The following KIF15 variants were observed in gnomAD, a reference collection of about 807,000 sequenced individuals.
KIF15 encodes the protein kinesin family member 15, also known as kinesin-like protein KIF15.
Under a neutral mutation model 190.6 loss-of-function variants are expected in KIF15, and 140 were observed. That is an observed-to-expected ratio of 0.73 (90% CI 0.64 to 0.84). The LOEUF (loss-of-function observed/expected upper bound fraction) is 0.84, where lower values mean the gene tolerates loss of function less well. Among genes scored for constraint, KIF15 ranks in the 40% least tolerant of loss-of-function variants. The pLI is 0.00. For missense variants in KIF15, 1,372 were observed against 1,584.4 expected (o/e 0.87, Z 2.28); for synonymous variants, 528 against 551.3 (o/e 0.96, Z 0.59).
intron 6 of KIF15, chr3:44,862,310 G>A: frequency 1.0e-5 from 2 of 196,396 alleles, no homozygotes; most frequent in Non-Finnish European, 1.9e-5. Context: ...AGCTGGGGTG[G>A]CAGAGAGTGT....
chr3:44,865,344 G>A, intron 6 of KIF15: 1 of 870,976 alleles, frequency 1.1e-6, no homozygotes. Context: ...GTAAGGAGAG[G>A]TGCAGCTGCA....
At chr3:44,867,909 G>A (rs56115260) in intron 6 of KIF15, among the ~76,000 whole-genome samples, 187 of 152,220 alleles carry the variant, frequency 1.2e-3, no homozygotes, top group African/African-American at 4.2e-3. Context: ...TGTTTGCTTG[G>A]AGCTGGCAAT....
chr3:44,812,280 A>C lies in KIF15; in HGVS notation c.2268A>C (p.Gln756His), dbSNP rs1338712415. ...HVDKLEHHST[Q>H]MQELFSSERI... The stretch of plus-strand genomic sequence containing the variant: ...ACAAACTGGAACATCATTCTACCCA[A>C]ATGCAGGAGGTGAGACCAAGAGCAC... The change falls in exon 18 of 35, where the codon CAA becomes CAC. Residue 756 changes from glutamine (Q) to histidine (H), a missense_variant. Transcript: ENST00000326047. 1 of 1,612,866 alleles carries C rather than the reference A, an allele frequency of 6.2e-7. No individual in the cohort carries two copies. Among genetic ancestry groups the C allele is most frequent in the East Asian group, 2.2e-5 (1 of 44,866 alleles).
At chr3:44,829,535 G>GTATATATTATATATGTA (rs1553658631) in intron 24 of KIF15, among the ~76,000 whole-genome samples, 5 of 114,352 alleles carry the variant, frequency 4.4e-5, no homozygotes, top group Admixed American at 1.1e-4. Flanking sequence ...TATATAATAT[G>GTATATATTATATATGTA]TATATATTAT....
chr3:44,788,417 CTG>C (rs1263788284), intron 7 of KIF15, among the ~76,000 whole-genome samples: 1 of 151,870 alleles, frequency 6.6e-6, no homozygotes, highest in Non-Finnish European at 1.5e-5. Flanking sequence ...TGAGATCAAT[CTG>C]TAATTTCCTT....
chr3:44,855,330 A>G (rs567211225), downstream of KIF15, among the ~76,000 whole-genome samples: 5 of 152,312 alleles, frequency 3.3e-5, no homozygotes, highest in African/African-American at 1.2e-4. Context: ...TTGATCAGTT[A>G]GGGTAGGGCA....
chr3:44,836,967 A>T (rs566665974), intron 26 of KIF15, among the ~76,000 whole-genome samples: 1 of 152,260 alleles, frequency 6.6e-6, no homozygotes, highest in South Asian at 2.1e-4. Flanking sequence ...CTGGCATCTC[A>T]TTTGTCCAGT....
At chr3:44,823,432 C>T (rs56269547) in intron 20 of KIF15, among the ~76,000 whole-genome samples, 66,334 of 152,038 alleles carry the variant, frequency 0.44, 15,837 homozygotes, top group East Asian at 0.82. Flanking sequence ...TCGGCCCCTA[C>T]TGGGAGGTTT....
Position 44,830,881 on chromosome 3 carries a change from CT to C in KIF15, c.3049-12del. 1 of 1,605,728 alleles carries C rather than the reference CT, an allele frequency of 6.2e-7. No homozygotes were observed. Among genetic ancestry groups the C allele is most frequent in the Non-Finnish European group, 8.5e-7 (1 of 1,177,302 alleles). On this transcript the variant is annotated splice_polypyrimidine_tract_variant and intron_variant, in intron 25 of 34. Transcript: ENST00000326047. The stretch of plus-strand genomic sequence containing the variant: ...AAATAAAATGGCTCTTATAGCATGA[CT>C]TTCTTTTCTACAGTGCAAATACAAC...
intron 6 of KIF15, chr3:44,864,353 C>G: frequency 6.2e-7 from 1 of 1,614,012 alleles, no homozygotes; most frequent in Non-Finnish European, 8.5e-7. Flanking sequence ...GGTGAGTAGC[C>G]TGAGGGTGTG....
intron 32 of KIF15, among the ~76,000 whole-genome samples, chr3:44,849,393 C>T (rs547120749): frequency 4.6e-4 from 70 of 152,094 alleles, no homozygotes; most frequent in Non-Finnish European, 8.2e-4. Flanking sequence ...GAGGCCGAGG[C>T]AGGTGGATTG....
intron 7 of KIF15, among the ~76,000 whole-genome samples, chr3:44,787,444 C>T (rs569883273): frequency 6.6e-6 from 1 of 152,210 alleles, no homozygotes; most frequent in East Asian, 1.9e-4. Context: ...ATTTTCACTG[C>T]TGTATGATAT....
chr3:44,779,817 G>C (rs1259122670), intron 4 of KIF15, among the ~76,000 whole-genome samples: 106 of 97,402 alleles, frequency 1.1e-3, no homozygotes, highest in East Asian at 2.7e-3. Context: ...CTGGGTGACA[G>C]AGTGAAAAAA....
At chr3:44,785,059 G>A in intron 6 of KIF15, 117 bp downstream of exon 6, 1 of 541,878 alleles carries the variant, frequency 1.8e-6, no homozygotes, top group South Asian at 2.9e-5. Flanking sequence ...AATATGAATA[G>A]ACTAGCGTGG....
At chr3:44,865,543 C>T in intron 6 of KIF15, 1 of 237,582 alleles carries the variant, frequency 4.2e-6, no homozygotes, top group Middle Eastern at 1.6e-3. Context: ...ACTCTAGAAG[C>T]AGTGACTGGT....
At chr3:44,855,663 T>C (rs141276911), downstream of KIF15, among the ~76,000 whole-genome samples, 379 of 152,158 alleles carry the variant, frequency 2.5e-3, 3 homozygotes, top group Middle Eastern at 6.8e-3. Context: ...AGAAAGATTT[T>C]GGGGTGAGGG....
intron 5 of KIF15, among the ~76,000 whole-genome samples, chr3:44,781,462 T>C (rs2125911932): frequency 6.6e-6 from 1 of 152,374 alleles, no homozygotes; most frequent in Non-Finnish European, 1.5e-5. Context: ...CATTTTCCAG[T>C]CTACTGTTGA....
intron 18 of KIF15, among the ~76,000 whole-genome samples, chr3:44,812,853 C>T (rs767839812): frequency 1.7e-4 from 26 of 151,884 alleles, no homozygotes; most frequent in Non-Finnish European, 2.8e-4. Flanking sequence ...GACGTGGTGG[C>T]GTGGGTCTGT....
chr3:44,776,445 G>A (rs1705896797), intron 3 of KIF15, among the ~76,000 whole-genome samples: 1 of 151,666 alleles, frequency 6.6e-6, no homozygotes, highest in Admixed American at 6.6e-5. Flanking sequence ...AAAAAGATCT[G>A]TGATGTTCAT....
Sources: gnomAD v4.1 joint callset for allele counts (sites outside exome capture counted in the v4.1 genomes callset) on GRCh38, gnomAD v4.1.1 for gene constraint, MANE v1.5 for transcripts, NCBI Gene and HGNC (gene_info 2026-07-23, HGNC 2026-07-21) for gene names.